Variants in BCOR observed in about 807,000 individuals in gnomAD.
BCOR encodes the protein BCL-6 corepressor.
A neutral mutation model predicts 86.7 loss-of-function variants in BCOR; 10 were observed. The observed-to-expected ratio is 0.12, with a 90% CI of 0.07 to 0.20. The LOEUF (loss-of-function observed/expected upper bound fraction) is 0.20, where lower values mean the gene tolerates loss of function less well. Ranked by LOEUF, BCOR falls within the 10% of genes least tolerant of loss-of-function variation. The pLI is 1.00. For synonymous variants in BCOR, 611 were observed against 609.0 expected (o/e 1.00, Z -0.05); for missense variants, 1,259 against 1,452.1 (o/e 0.87, Z 2.16).
At chrX:40,080,527 A>C (rs1250661298) in intron 1 of BCOR, among the ~76,000 whole-genome samples, 2 of 111,479 alleles carry the variant, frequency 1.8e-5, no homozygotes, top group African/African-American at 6.5e-5. Flanking sequence ...CCTTCTTGGG[A>C]AACAGAATCA....
At chrX:40,107,686 G>A (rs1446122169) in intron 1 of BCOR, among the ~76,000 whole-genome samples, 6 of 112,861 alleles carry the variant, frequency 5.3e-5, no homozygotes, top group Non-Finnish European at 1.1e-4. Context: ...GCCACTGCCC[G>A]CGGGGCGGGC....
intron 1 of BCOR, among the ~76,000 whole-genome samples, chrX:40,175,558 G>A (rs932327784): frequency 1.8e-5 from 2 of 113,484 alleles, no homozygotes; most frequent in Non-Finnish European, 3.7e-5. Flanking sequence ...TCACTGCCAG[G>A]AATACGCTTC....
chrX:40,059,686 T>C (rs979480713), intron 10 of BCOR, among the ~76,000 whole-genome samples: 4 of 113,225 alleles, frequency 3.5e-5, no homozygotes, highest in Non-Finnish European at 5.6e-5. Flanking sequence ...CCAAACAAAA[T>C]CAAACTGTTT....
At chrX:40,088,746 C>T (rs752071047) in intron 1 of BCOR, among the ~76,000 whole-genome samples, 6 of 112,051 alleles carry the variant, frequency 5.4e-5, no homozygotes, top group African/African-American at 1.6e-4. Flanking sequence ...TCATAACATC[C>T]GGACTTAATC....
chrX:40,172,160 T>C (rs1938637805), intron 1 of BCOR, among the ~76,000 whole-genome samples: 1 of 112,619 alleles, frequency 8.9e-6, no homozygotes, highest in African/African-American at 3.2e-5. Context: ...CTGCGGCCAA[T>C]GCAAGACGAG....
intron 1 of BCOR, among the ~76,000 whole-genome samples, chrX:40,175,844 CTT>C (rs1170251494): frequency 4.4e-5 from 5 of 113,056 alleles, no homozygotes; most frequent in African/African-American, 6.4e-5. Context: ...GGGCGGGAAA[CTT>C]TGCAAGAAGA....
intron 1 of BCOR, among the ~76,000 whole-genome samples, chrX:40,088,860 A>G (rs1231636123): frequency 8.9e-6 from 1 of 111,948 alleles, no homozygotes; most frequent in African/African-American, 3.3e-5. Flanking sequence ...TCCCCCCTGA[A>G]ATAATGCCAG....
chrX:40,076,275 C>T (rs1935802690), intron 3 of BCOR, among the ~76,000 whole-genome samples, 179 bp downstream of exon 3: 1 of 111,922 alleles, frequency 8.9e-6, no homozygotes, highest in Non-Finnish European at 1.9e-5. Context: ...GGCAGGAAGG[C>T]AAGACTGGAA....
At chrX:40,118,249 A>G (rs763315254) in intron 1 of BCOR, among the ~76,000 whole-genome samples, 1 of 109,045 alleles carries the variant, frequency 9.2e-6, no homozygotes, top group East Asian at 2.9e-4. Flanking sequence ...AGTTCAAGAC[A>G]TTCTTTTATT....
At chrX:40,079,122 G>A (rs1935956096) in intron 1 of BCOR, among the ~76,000 whole-genome samples, 1 of 110,872 alleles carries the variant, frequency 9.0e-6, no homozygotes, top group Non-Finnish European at 1.9e-5. Context: ...TGTCCAGACC[G>A]GCCATGGCAT....
At chrX:40,075,683 C>T (rs1388843926) in intron 3 of BCOR, among the ~76,000 whole-genome samples, 2 of 111,456 alleles carry the variant, frequency 1.8e-5, no homozygotes, top group African/African-American at 3.3e-5. Flanking sequence ...TGCTTGAACC[C>T]GGGAGGTGGA....
chrX:40,164,815 A>G (rs1938482589), intron 1 of BCOR, among the ~76,000 whole-genome samples: 1 of 112,609 alleles, frequency 8.9e-6, no homozygotes, highest in African/African-American at 3.2e-5. Flanking sequence ...TACAAATCCC[A>G]CACCTTTTCA....
intron 1 of BCOR, among the ~76,000 whole-genome samples, chrX:40,160,658 ACTTTTTT>A (rs1287653281): frequency 1.2e-5 from 1 of 81,333 alleles, no homozygotes; most frequent in Non-Finnish European, 2.4e-5. Context: ...ATGATCCTCT[ACTTTTTT>A]TTTTTTTTTT....
chrX:40,099,170 G>A (rs913129252), upstream of BCOR, among the ~76,000 whole-genome samples: 1 of 107,890 alleles, frequency 9.3e-6, no homozygotes, highest in Non-Finnish European at 1.9e-5. Context: ...CAATTGACAC[G>A]TATTGAGCTT....
At chrX:40,075,209 T>C in intron 3 of BCOR, 29 bp from the exon 4 acceptor site, 1 of 1,170,838 alleles carries the variant, frequency 8.5e-7, no homozygotes, top group East Asian at 3.0e-5. Context: ...TGGGTGTTAC[T>C]GGGATACTCC....
chrX:40,119,277 G>C (rs1408117728), intron 1 of BCOR, among the ~76,000 whole-genome samples: 1 of 106,499 alleles, frequency 9.4e-6, no homozygotes, highest in Non-Finnish European at 1.9e-5. Context: ...TGGTGCCGGT[G>C]GGGGGTGGAC....
In BCOR at chrX:40,056,947, T is replaced by C. The variant is rs1045001638; in HGVS notation, c.4595+208A>G. Among the ~76,000 whole-genome samples, 10 of 112,521 alleles carry C rather than the reference T, an allele frequency of 8.9e-5. No individual in the cohort carries two copies. In the South Asian group the frequency reaches 2.6e-3, roughly 29 times the overall value. On this transcript the variant is annotated intron_variant, in intron 11 of 14. Transcript: ENST00000378444. ...GAAGCTTTGGTTCACAGGAACATTA[T>C]AGGACTGATCAAAATTGGGAGCTTT...
intron 1 of BCOR, among the ~76,000 whole-genome samples, chrX:40,157,575 C>G (rs1430372503): frequency 1.8e-5 from 2 of 112,603 alleles, no homozygotes; most frequent in African/African-American, 3.2e-5. Context: ...AACATGCAAA[C>G]TTTGGTTGGA....
At chrX:40,099,432 C>T (rs1937029387), upstream of BCOR, among the ~76,000 whole-genome samples, 1 of 111,515 alleles carries the variant, frequency 9.0e-6, no homozygotes, top group African/African-American at 3.3e-5. Context: ...CCACTAGGGT[C>T]TTTTTATACT....
Sources: gnomAD v4.1 joint callset for allele counts (sites outside exome capture counted in the v4.1 genomes callset) on GRCh38, gnomAD v4.1.1 for gene constraint, MANE v1.5 for transcripts, NCBI Gene and HGNC (gene_info 2026-07-23, HGNC 2026-07-21) for gene names.